Variants in FHIT observed in about 807,000 individuals in gnomAD.
FHIT encodes fragile histidine triad diadenosine triphosphatase.
In FHIT, 19 loss-of-function variants were observed where a neutral mutation model predicts 17.9. That is an observed-to-expected ratio of 1.06 (90% confidence interval 0.74 to 1.56). The LOEUF (loss-of-function observed/expected upper bound fraction) is 1.56, where lower values mean the gene tolerates loss of function less well. Among genes scored for constraint, FHIT ranks in the 40% most tolerant of loss-of-function variants. The pLI is 0.00. For synonymous variants in FHIT, 81 were observed against 69.7 expected (o/e 1.16, Z -0.81); for missense variants, 248 against 189.2 (o/e 1.31, Z -1.82).
intron 5 of FHIT, among the ~76,000 whole-genome samples, chr3:60,176,244 C>T (rs1370649281): frequency 6.6e-6 from 1 of 152,028 alleles, no homozygotes; most frequent in East Asian, 1.9e-4. Flanking sequence ...CCCAGCTACT[C>T]AGGAGGCTGA....
At chr3:60,157,564 C>T (rs1245552883) in intron 5 of FHIT, among the ~76,000 whole-genome samples, 1 of 152,134 alleles carries the variant, frequency 6.6e-6, no homozygotes, top group African/African-American at 2.4e-5. Context: ...CAGTGAGCTT[C>T]GAGGTGAAAG....
intron 5 of FHIT, among the ~76,000 whole-genome samples, chr3:60,109,151 G>C (rs2178927): frequency 0.15 from 22,486 of 152,126 alleles, 2,055 homozygotes; most frequent in South Asian, 0.21. Flanking sequence ...GGGAGAGAGA[G>C]AGATTACAGT....
intron 5 of FHIT, among the ~76,000 whole-genome samples, chr3:60,324,482 T>G (rs1020239896): frequency 6.7e-6 from 1 of 149,144 alleles, no homozygotes; most frequent in Non-Finnish European, 1.5e-5. Flanking sequence ...CTGCTCGGGA[T>G]GCTGAGGCAG....
At chr3:61,201,121 C>T (rs1277017234) in intron 1 of FHIT, among the ~76,000 whole-genome samples, 1 of 152,172 alleles carries the variant, frequency 6.6e-6, no homozygotes, top group Non-Finnish European at 1.5e-5. Flanking sequence ...CATGGTCCTT[C>T]TAATATAAAC....
chr3:60,976,107 T>C (rs1205988086), intron 3 of FHIT, among the ~76,000 whole-genome samples: 2 of 124,218 alleles, frequency 1.6e-5, no homozygotes, highest in African/African-American at 6.3e-5. Context: ...TTTTTTTTTT[T>C]TTTTTTTTTT....
intron 5 of FHIT, among the ~76,000 whole-genome samples, chr3:60,490,648 A>G (rs1228008077): frequency 1.3e-5 from 2 of 150,358 alleles, no homozygotes; most frequent in African/African-American, 2.4e-5. Context: ...TAATTTCATT[A>G]TCATGTCTTA....
At chr3:60,436,357 C>T (rs2030238277) in intron 5 of FHIT, among the ~76,000 whole-genome samples, 1 of 152,004 alleles carries the variant, frequency 6.6e-6, no homozygotes, top group Non-Finnish European at 1.5e-5. Context: ...GCCAGTACCA[C>T]ATTTTCTTTA....
At chr3:60,162,016 C>A (rs1013598183) in intron 5 of FHIT, among the ~76,000 whole-genome samples, 1 of 152,074 alleles carries the variant, frequency 6.6e-6, no homozygotes, top group African/African-American at 2.4e-5. Context: ...AACAGCAAAG[C>A]CACAGTACAG....
intron 5 of FHIT, among the ~76,000 whole-genome samples, chr3:60,043,904 C>T (rs937490116): frequency 6.6e-6 from 1 of 152,080 alleles, no homozygotes; most frequent in East Asian, 1.9e-4. Context: ...ACTAGGTTGA[C>T]TTTATGTCTT....
At chr3:60,667,996 T>G (rs891975119) in intron 4 of FHIT, among the ~76,000 whole-genome samples, 1 of 151,998 alleles carries the variant, frequency 6.6e-6, no homozygotes, top group Non-Finnish European at 1.5e-5. Flanking sequence ...TCTGCCTCAG[T>G]GTCTTTGGGC....
At chr3:61,202,106 A>T (rs2039038823) in intron 1 of FHIT, among the ~76,000 whole-genome samples, 1 of 150,762 alleles carries the variant, frequency 6.6e-6, no homozygotes, top group Admixed American at 6.6e-5. Flanking sequence ...ATACACACAC[A>T]TATATAGCCA....
At chr3:60,160,124 ATG>A (rs10565469) in intron 5 of FHIT, among the ~76,000 whole-genome samples, 73,263 of 150,892 alleles carry the variant, frequency 0.49, 18,618 homozygotes, top group African/African-American at 0.66. Flanking sequence ...TTCTGTGCTT[ATG>A]TGTGTGTGTG....
chr3:60,108,813 G>A (rs188292036), intron 5 of FHIT, among the ~76,000 whole-genome samples: 18 of 152,036 alleles, frequency 1.2e-4, no homozygotes, highest in South Asian at 1.0e-3. Context: ...ACAGGTGTGC[G>A]CCACCAAGCC....
At chr3:61,210,211 C>T (rs1560077788) in intron 1 of FHIT, among the ~76,000 whole-genome samples, 1 of 152,198 alleles carries the variant, frequency 6.6e-6, no homozygotes. Context: ...TGTTAGAACG[C>T]CCCTAGTGCG....
chr3:61,013,202 T>C (rs1455836942), intron 3 of FHIT, among the ~76,000 whole-genome samples: 3 of 152,176 alleles, frequency 2.0e-5, no homozygotes, highest in Non-Finnish European at 4.4e-5. Context: ...TTCTGCTTTG[T>C]TTCTCCTGCC....
intron 5 of FHIT, among the ~76,000 whole-genome samples, chr3:60,292,351 G>C (rs959558137): frequency 3.3e-5 from 5 of 149,820 alleles, no homozygotes; most frequent in African/African-American, 1.2e-4. Flanking sequence ...CTCAGGATTA[G>C]CATACTGTGA....
At chr3:60,075,134 T>A (rs1008103953) in intron 5 of FHIT, among the ~76,000 whole-genome samples, 1 of 152,146 alleles carries the variant, frequency 6.6e-6, no homozygotes, top group Non-Finnish European at 1.5e-5. Context: ...GCTCAACATA[T>A]ATGCGTCACA....
chr3:60,818,984 T>A (rs2594146), intron 4 of FHIT, among the ~76,000 whole-genome samples: 128,261 of 151,112 alleles, frequency 0.85, 55,289 homozygotes, highest in East Asian at 0.95. Flanking sequence ...TGTCTGCTTA[T>A]TTTTATTCTC....
chr3:60,900,909 C>G (rs782365181), intron 3 of FHIT, among the ~76,000 whole-genome samples: 10 of 152,158 alleles, frequency 6.6e-5, no homozygotes, highest in Non-Finnish European at 1.5e-4. Flanking sequence ...TTCCAAGTAG[C>G]TGGGACTACA....
Sources: allele counts gnomAD v4.1 joint callset (sites outside exome capture counted in the v4.1 genomes callset), GRCh38; gene constraint gnomAD v4.1.1; transcripts MANE v1.5; gene names NCBI Gene and HGNC (gene_info 2026-07-23, HGNC 2026-07-21).